GSTA4: variants seen among roughly 807,000 people sequenced by gnomAD.
GSTA4 encodes glutathione S-transferase A4.
A neutral mutation model predicts 24.4 loss-of-function variants in GSTA4; 15 were observed. That is an observed-to-expected ratio of 0.61 (90% CI 0.41 to 0.95). GSTA4 has a LOEUF of 0.95. Ranked by LOEUF, GSTA4 falls within the 40% of genes least tolerant of loss-of-function variation. The probability of loss-of-function intolerance (pLI) is 0.00; values close to 1 mark genes in which losing one functional copy is unlikely to be tolerated. For synonymous variants in GSTA4, 92 were observed against 94.2 expected, an observed-to-expected ratio of 0.98 and a Z score of 0.13; for missense variants, 244 against 262.1, an observed-to-expected ratio of 0.93 and a Z score of 0.48.
At chr6:52,982,472 A>T in intron 6 of GSTA4, 102 bp downstream of exon 6, 1 of 651,602 alleles carries the variant, frequency 1.5e-6, no homozygotes, top group Non-Finnish European at 2.4e-6. Flanking sequence ...AAAATATTAC[A>T]CATACACACA....
Position 52,978,249 on chromosome 6 carries a change from T to A in GSTA4, c.*221A>T. On this transcript the variant is annotated 3_prime_UTR_variant, in exon 7 of 7. Transcript: ENST00000370963. The stretch of plus-strand genomic sequence containing the variant: ...ATCAGATCTAACTTAAATACCAGCC[T>A]CTCCAAAAAAGTTTTCCAATAAAGA... 2.0e-6 allele frequency: 1 copy of A among 498,594 alleles called. No homozygotes were observed. The highest frequency in any genetic ancestry group is 2.5e-5 in the South Asian group (1 of 39,980). The allele number at this position is 498,594 out of a possible 1,614,324, so 30.9% of individuals were successfully genotyped here.
chr6:52,982,934 G>C (rs1338627032), intron 5 of GSTA4, among the ~76,000 whole-genome samples: 4 of 152,080 alleles, frequency 2.6e-5, no homozygotes, highest in Non-Finnish European at 5.9e-5. Context: ...TACAAAAAAG[G>C]TGTGGAAATG....
intron 3 of GSTA4, among the ~76,000 whole-genome samples, chr6:52,986,005 C>A (rs1239386581): frequency 6.6e-6 from 1 of 151,894 alleles, no homozygotes; most frequent in South Asian, 2.1e-4. Flanking sequence ...GAGCCAAGAT[C>A]GCGCCATTGC....
At chr6:52,984,686 T>A in intron 4 of GSTA4, 81 bp from the exon 5 acceptor site, 4 of 1,093,874 alleles carry the variant, frequency 3.7e-6, no homozygotes, top group Non-Finnish European at 5.3e-6. Context: ...CAGAGTGCTT[T>A]TTTTTTTTTT....
intron 2 of GSTA4, among the ~76,000 whole-genome samples, chr6:52,991,543 G>C (rs1171281294): frequency 6.6e-6 from 1 of 152,098 alleles, no homozygotes; most frequent in East Asian, 1.9e-4. Flanking sequence ...CATGCCTCTG[G>C]GTCCAGCTAG....
rs1043983219 is a variant in GSTA4, at chr6:52,978,145, A to C, written c.*325T>G. ...AGCAGAAAGACGCTCAGGAGAGTAG[A>C]AAGACACTCAGGAGAGAACAAGAGA... On this transcript the variant is annotated 3_prime_UTR_variant, in exon 7 of 7. Transcript: ENST00000370963. The C allele has an allele frequency of 1.5e-5, 4 of 265,442 alleles. No homozygotes were observed. The highest frequency in any genetic ancestry group is 2.8e-5 in the Non-Finnish European group (4 of 142,632). 16.4% of individuals were successfully genotyped at this position (265,442 alleles called of 1,614,324 possible). A position where few individuals can be genotyped will look rare whatever the true frequency, so the allele number is the denominator to read the frequency against.
rs370771812 is a variant in GSTA4, at chr6:52,985,540, G to A, written c.183C>T (p.Asp61=). Residue 61 remains aspartate (D), a synonymous_variant, in exon 4 of 7, where the codon GAC becomes GAT. Coordinates refer to ENST00000370963, the MANE Select transcript of GSTA4 (RefSeq NM_001512.4). ...TTCGGGTCTGTACCAACTTCATCCC[G>A]TCAATTTCAACCATGGGCACTTGTT... ...LFQQVPMVEI[D]GMKLVQTRSI... is the part of the protein sequence containing the mutation. 1.9e-5 allele frequency: 31 copies of A among 1,613,624 alleles called. No homozygotes were observed. Among genetic ancestry groups the A allele is most frequent in the African/African-American group, 5.3e-5 (4 of 75,016 alleles).
intron 2 of GSTA4, among the ~76,000 whole-genome samples, chr6:52,992,064 A>AT (rs45567737): frequency 0.21 from 32,635 of 151,804 alleles, 4,456 homozygotes; most frequent in African/African-American, 0.38. Context: ...GGTTAATACC[A>AT]TTTTTCTATT....
intron 2 of GSTA4, 110 bp from the exon 3 acceptor site, chr6:52,987,518 C>T (rs1373077775): frequency 1.1e-5 from 7 of 634,638 alleles, no homozygotes; most frequent in African/African-American, 1.9e-5. Context: ...GAGGTCATTA[C>T]GTTAAGTGAA....
At chr6:52,979,272 T>A (rs1237091433) in intron 6 of GSTA4, among the ~76,000 whole-genome samples, 2 of 152,200 alleles carry the variant, frequency 1.3e-5, no homozygotes, top group Admixed American at 1.3e-4. Context: ...AGTGCACTGA[T>A]CTGCTGGGAG....
At chr6:52,985,666 A>G in intron 3 of GSTA4, 83 bp from the exon 4 acceptor site, 1 of 1,371,842 alleles carries the variant, frequency 7.3e-7, no homozygotes, top group Non-Finnish European at 1.0e-6. Context: ...GAATGAAAAG[A>G]AACGGTGGAA....
At position 52,982,720 on chromosome 6, in the gene GSTA4, T is replaced by C. The variant is rs1290539817; in HGVS notation, c.415-15A>G. ...CCCCTTAAAATCTGTAGGGAAATGGTGTGCATCAGTTACAATATTCCACAT... is the reference window on the plus strand; with the variant it reads ...CCCCTTAAAATCTGTAGGGAAATGGCGTGCATCAGTTACAATATTCCACAT... On this transcript the variant is annotated splice_polypyrimidine_tract_variant and intron_variant, in intron 5 of 6. Transcript: ENST00000370963. 1.2e-6 allele frequency: 2 copies of C among 1,603,390 alleles called. No individual in the cohort carries two copies. Among genetic ancestry groups the C allele is most frequent in the African/African-American group, 2.7e-5 (2 of 74,840 alleles).
chr6:52,986,466 C>T (rs72932927), intron 3 of GSTA4, among the ~76,000 whole-genome samples: 7,080 of 152,294 alleles, frequency 0.046, 226 homozygotes, highest in Non-Finnish European at 0.068. Flanking sequence ...TACTCTATGG[C>T]TACTCTGTAG....
chr6:52,982,427 C>T, intron 6 of GSTA4, 147 bp downstream of exon 6: 1 of 548,510 alleles, frequency 1.8e-6, no homozygotes, highest in Non-Finnish European at 3.1e-6. Context: ...ACTTTGGGTC[C>T]TTACTTTCAT....
At chr6:52,978,619 G>A in intron 6 of GSTA4, 27 bp from the exon 7 acceptor site, 2 of 1,573,514 alleles carry the variant, frequency 1.3e-6, no homozygotes, top group African/African-American at 1.4e-5. Context: ...AAAACTTTAA[G>A]GCTAACAAAA....
At chr6:52,985,613 A>G (rs1464397731) in intron 3 of GSTA4, 30 bp from the exon 4 acceptor site, 2 of 1,611,130 alleles carry the variant, frequency 1.2e-6, no homozygotes, top group East Asian at 2.2e-5. Context: ...GTTAGAAGTG[A>G]TCTTTTCTTC....
At chr6:52,994,867 G>A (rs373675056) in intron 1 of GSTA4, among the ~76,000 whole-genome samples, 10 of 152,274 alleles carry the variant, frequency 6.6e-5, no homozygotes, top group East Asian at 5.8e-4. Flanking sequence ...CGAGCCGGGG[G>A]CCAGGGCTTG....
In GSTA4 at chr6:52,978,276, C is replaced by T; in HGVS notation, c.*194G>A. 5.4e-6 allele frequency: 3 copies of T among 558,510 alleles called. No homozygotes were observed. The highest frequency in any genetic ancestry group is 9.2e-6 in the Non-Finnish European group (3 of 327,248). The allele number at this position is 558,510 out of a possible 1,614,324, so 34.6% of individuals were successfully genotyped here. On this transcript the variant is annotated 3_prime_UTR_variant, in exon 7 of 7. Transcript: ENST00000370963. ...TCCAAAAAAGTTTTCCAATAAAGAT[C>T]CCCTAACAATTATTTACTGGACAAA... is the stretch of plus-strand genomic sequence containing the variant.
chr6:52,994,566 T>C (rs1283590305), intron 1 of GSTA4, among the ~76,000 whole-genome samples: 13 of 152,318 alleles, frequency 8.5e-5, no homozygotes, highest in Non-Finnish European at 7.4e-5. Flanking sequence ...GAATATTATA[T>C]ATTTTGACCT....
Sources: gnomAD v4.1 joint callset for allele counts (sites outside exome capture counted in the v4.1 genomes callset) on GRCh38, gnomAD v4.1.1 for gene constraint, MANE v1.5 for transcripts, NCBI Gene and HGNC (gene_info 2026-07-23, HGNC 2026-07-21) for gene names.